COP1: variants seen among roughly 807,000 people sequenced by gnomAD.
COP1 encodes COP1 E3 ubiquitin ligase.
Under a neutral mutation model 101.3 loss-of-function variants are expected in COP1, and 24 were observed. The observed-to-expected ratio is 0.24, with a 90% CI of 0.17 to 0.33. The LOEUF (loss-of-function observed/expected upper bound fraction) is 0.33, where lower values mean the gene tolerates loss of function less well. Ranked by LOEUF, COP1 falls within the 10% of genes least tolerant of loss-of-function variation. The pLI is 1.00. For missense variants in COP1, 663 were observed against 906.2 expected, an observed-to-expected ratio of 0.73 and a Z score of 3.45; for synonymous variants, 347 against 341.9, an observed-to-expected ratio of 1.01 and a Z score of -0.17.
chr1:176,071,394 C>T (rs190828862), intron 11 of COP1, among the ~76,000 whole-genome samples: 219 of 152,114 alleles, frequency 1.4e-3, no homozygotes, highest in African/African-American at 5.0e-3. Context: ...TATAAATTAC[C>T]CAGTCTCGGG....
chr1:176,044,667 C>T (rs1353515332), intron 12 of COP1, among the ~76,000 whole-genome samples: 1 of 152,056 alleles, frequency 6.6e-6, no homozygotes, highest in Non-Finnish European at 1.5e-5. Flanking sequence ...GTTCAAATTC[C>T]AGATCTGTTA....
intron 18 of COP1, among the ~76,000 whole-genome samples, chr1:175,968,166 G>A (rs771217565): frequency 4.6e-5 from 7 of 152,142 alleles, no homozygotes; most frequent in Non-Finnish European, 8.8e-5. Context: ...CACCATGCTC[G>A]GCAAGAGAAG....
chr1:175,978,810 A>G (rs995695844), intron 18 of COP1, among the ~76,000 whole-genome samples: 1 of 152,174 alleles, frequency 6.6e-6, no homozygotes, highest in Non-Finnish European at 1.5e-5. Flanking sequence ...GAAAGAGAAG[A>G]AGCTTCTATG....
chr1:176,136,495 C>T lies in COP1; in HGVS notation c.884G>A (p.Arg295Lys), dbSNP rs75124417. ...ELSVLEEDIK[R>K]VEEMSGLYSP... The stretch of plus-strand genomic sequence containing the variant: ...AAATTCTTGATTCCTTACTTCCACT[C>T]TCTTAATATCCTCTTCCAAAACACT... Residue 295 changes from arginine (R) to lysine (K), a missense_variant, in exon 7 of 20, where the codon AGA becomes AAA. Arg to Lys is a conservative substitution (Grantham distance 26). This residue lies in a region of COP1 where 212 missense variants were observed against 240.7 expected (regional missense o/e 0.88). Transcript: ENST00000367669. The T allele has an allele frequency of 1.3e-6, 2 of 1,599,910 alleles. No homozygotes were observed. The highest frequency in any genetic ancestry group is 1.3e-5 in the African/African-American group (1 of 74,108).
At chr1:176,094,021 C>CAA (rs199626941) in intron 9 of COP1, among the ~76,000 whole-genome samples, 26 of 68,092 alleles carry the variant, frequency 3.8e-4, no homozygotes, top group African/African-American at 8.2e-4. Context: ...GACTCTGTCT[C>CAA]AAAAAAAAAA....
chr1:176,149,303 C>T (rs1692056618), intron 5 of COP1, among the ~76,000 whole-genome samples: 1 of 152,014 alleles, frequency 6.6e-6, no homozygotes, highest in African/African-American at 2.4e-5. Flanking sequence ...AATTACATCC[C>T]TTATCTAACA....
chr1:175,962,710 C>T (rs1382221113), intron 18 of COP1, among the ~76,000 whole-genome samples: 2 of 152,104 alleles, frequency 1.3e-5, no homozygotes, highest in Non-Finnish European at 2.9e-5. Flanking sequence ...TAGAAAAGAA[C>T]TTTGCTTCCC....
intron 11 of COP1, among the ~76,000 whole-genome samples, chr1:176,067,372 G>A (rs917583119): frequency 4.6e-5 from 7 of 152,078 alleles, no homozygotes; most frequent in African/African-American, 1.2e-4. Context: ...CTGGCCCACC[G>A]CGCCCCCATC....
chr1:176,079,915 CG>C (rs1218067940), intron 11 of COP1, among the ~76,000 whole-genome samples: 1 of 151,754 alleles, frequency 6.6e-6, no homozygotes, highest in Admixed American at 6.6e-5. Flanking sequence ...CCCAGCTACT[CG>C]GGAAGCTGAG....
At chr1:176,076,599 G>A (rs1170996334) in intron 11 of COP1, among the ~76,000 whole-genome samples, 1 of 151,914 alleles carries the variant, frequency 6.6e-6, no homozygotes, top group Non-Finnish European at 1.5e-5. Context: ...CCCAAAGCTA[G>A]TAGAAGAAAA....
chr1:176,138,457 T>C (rs1572466721), intron 6 of COP1, among the ~76,000 whole-genome samples: 1 of 152,126 alleles, frequency 6.6e-6, no homozygotes, highest in South Asian at 2.1e-4. Context: ...ATCTATCTAC[T>C]TTAATAAACT....
chr1:176,007,878 C>T (rs951559928), intron 15 of COP1, among the ~76,000 whole-genome samples: 2 of 152,238 alleles, frequency 1.3e-5, no homozygotes, highest in East Asian at 3.9e-4. Flanking sequence ...CCACCCAGTT[C>T]CAGCTTCCTG....
intron 17 of COP1, 149 bp downstream of exon 17, chr1:175,988,139 A>C (rs756731995): frequency 4.5e-6 from 3 of 672,010 alleles, no homozygotes; most frequent in Non-Finnish European, 7.1e-6. Context: ...ACACAAGGAA[A>C]ATCAGTAGTG....
At chr1:176,111,199 T>C (rs1685225866) in intron 9 of COP1, among the ~76,000 whole-genome samples, 1 of 152,176 alleles carries the variant, frequency 6.6e-6, no homozygotes. Flanking sequence ...ACAGAGTAGC[T>C]CTGAAAGTTA....
At chr1:176,099,973 A>C (rs1363718535) in intron 9 of COP1, among the ~76,000 whole-genome samples, 3 of 152,216 alleles carry the variant, frequency 2.0e-5, no homozygotes, top group Admixed American at 1.3e-4. Flanking sequence ...CGTCCAAGCC[A>C]ATCTAAAAGG....
At position 176,095,383 on chromosome 1, in the gene COP1, T is replaced by C. The variant is rs76998404; in HGVS notation, c.1027-9493A>G. On this transcript the variant is annotated intron_variant, in intron 9 of 19. Transcript: ENST00000367669. ...GAGGACAAAGCTATGTTCTTAAAAATAGTAAGATGTTATTTGCAGCCTGGT... is the reference window on the plus strand; with the variant it reads ...GAGGACAAAGCTATGTTCTTAAAAACAGTAAGATGTTATTTGCAGCCTGGT... 2.8e-3 allele frequency among the ~76,000 whole-genome samples: 432 copies of C among 152,312 alleles called. 3 individuals carry two copies. Among genetic ancestry groups the C allele is most frequent in the Non-Finnish European group, 4.8e-3 (325 of 68,022 alleles).
chr1:176,001,239 G>C (rs79806301), intron 15 of COP1, among the ~76,000 whole-genome samples: 4,115 of 152,158 alleles, frequency 0.027, 173 homozygotes, highest in African/African-American at 0.094. Context: ...CATCAGAATT[G>C]TCTGAATCAT....
intron 4 of COP1, 36 bp from the exon 5 acceptor site, chr1:176,163,024 T>C: frequency 6.3e-7 from 1 of 1,585,786 alleles, no homozygotes; most frequent in Non-Finnish European, 8.6e-7. Context: ...AACAACTTCC[T>C]ATGAAGACTG....
chr1:176,060,710 T>C (rs1294411439), intron 11 of COP1, among the ~76,000 whole-genome samples: 1 of 152,156 alleles, frequency 6.6e-6, no homozygotes, highest in African/African-American at 2.4e-5. Flanking sequence ...AAAGAAACCA[T>C]TTAATCCTAC....
Sources: gnomAD v4.1 joint callset for allele counts (sites outside exome capture counted in the v4.1 genomes callset) on GRCh38, gnomAD v4.1.1 for gene constraint, gnomAD v4.1.1 regional missense constraint, MANE v1.5 for transcripts, NCBI Gene and HGNC (gene_info 2026-07-23, HGNC 2026-07-21) for gene names.